The following COPG2 variants were observed in gnomAD, a reference collection of about 807,000 sequenced individuals.
The protein encoded by COPG2 is coat protein complex I subunit gamma 2.
In COPG2, 37 loss-of-function variants were observed where a neutral mutation model predicts 46.3. The observed-to-expected ratio is 0.80, with a 90% confidence interval of 0.61 to 1.05. The LOEUF (loss-of-function observed/expected upper bound fraction) is 1.05, where lower values mean the gene tolerates loss of function less well. Ranked by LOEUF, COPG2 falls within the 50% of genes least tolerant of loss-of-function variation. COPG2 has a pLI of 0.00. For synonymous variants in COPG2, 159 were observed against 129.7 expected (o/e 1.23, Z -1.53); for missense variants, 427 against 387.8 (o/e 1.10, Z -0.85).
rs1301247333 is a variant in COPG2, at chr7:130,575,455, G to C, written c.738-11062C>G. Among the ~76,000 whole-genome samples the C allele has an allele frequency of 3.9e-5, 6 of 152,186 alleles. No individual in the cohort carries two copies. In the East Asian group the frequency reaches 1.2e-3, roughly 29 times the overall value. ...AGAACTTGGTATCCAGCGAAACTAAGCATCATATATAAAGGAAAGATACAG... is the reference window on the plus strand; with the variant it reads ...AGAACTTGGTATCCAGCGAAACTAACCATCATATATAAAGGAAAGATACAG... On this transcript the variant is annotated intron_variant, in intron 9 of 23. Coordinates refer to ENST00000425248, the MANE Select transcript of COPG2 (RefSeq NM_012133.6).
chr7:130,618,287 C>T (rs958570512), intron 5 of COPG2, among the ~76,000 whole-genome samples: 2 of 151,930 alleles, frequency 1.3e-5, no homozygotes, highest in Non-Finnish European at 1.5e-5. Context: ...ACAATACACT[C>T]GTTCAGTAAT....
chr7:130,662,819 C>T, intron 4 of COPG2, 148 bp downstream of exon 4: 1 of 629,848 alleles, frequency 1.6e-6, no homozygotes, highest in Non-Finnish European at 2.8e-6. Context: ...ATTTTCACGT[C>T]TTATAATGAA....
intron 3 of COPG2, among the ~76,000 whole-genome samples, chr7:130,665,084 AG>A (rs11335585): frequency 0.45 from 67,577 of 151,842 alleles, 17,205 homozygotes; most frequent in East Asian, 0.59. Flanking sequence ...AGGAGGCTAA[AG>A]TAGGAGAATT....
Position 130,563,348 on chromosome 7 carries a change from T to A in COPG2, c.872-12A>T, listed in dbSNP as rs961126775. The A allele has an allele frequency of 3.5e-4, 139 of 392,206 alleles. No homozygotes were observed. Among genetic ancestry groups the A allele is most frequent in the Non-Finnish European group, 4.0e-4 (89 of 222,356 alleles). 24.3% of individuals were successfully genotyped at this position (392,206 alleles called of 1,614,324 possible). A position where few individuals can be genotyped will look rare whatever the true frequency, so the allele number is the denominator to read the frequency against. ...GAAAAGTTGAAGAACTAAAAAAAAA[T>A]AATAATAATAATATGTAACATTAAG... On this transcript the variant is annotated splice_polypyrimidine_tract_variant and intron_variant, in intron 10 of 23. Transcript: ENST00000425248.
intron 5 of COPG2, among the ~76,000 whole-genome samples, chr7:130,625,436 A>C (rs1296663249): frequency 6.6e-6 from 1 of 152,128 alleles, no homozygotes; most frequent in African/African-American, 2.4e-5. Flanking sequence ...ACAATGTTGA[A>C]TAGCAGTGAA....
At chr7:130,519,226 C>T (rs1799705788) in intron 20 of COPG2, among the ~76,000 whole-genome samples, 1 of 151,982 alleles carries the variant, frequency 6.6e-6, no homozygotes, top group Non-Finnish European at 1.5e-5. Context: ...TAGATACCAA[C>T]CATGGGAGAA....
chr7:130,528,551 A>T (rs1029691877), intron 20 of COPG2, among the ~76,000 whole-genome samples: 1 of 152,096 alleles, frequency 6.6e-6, no homozygotes, highest in Non-Finnish European at 1.5e-5. Flanking sequence ...CAGTGGGAGA[A>T]TCACAGATCG....
intron 20 of COPG2, among the ~76,000 whole-genome samples, chr7:130,539,837 C>G (rs945275779): frequency 6.6e-6 from 1 of 151,994 alleles, no homozygotes; most frequent in Non-Finnish European, 1.5e-5. Context: ...GCGAGGTGAA[C>G]GGGGAGGTCC....
chr7:130,667,373 G>T, intron 2 of COPG2, 109 bp downstream of exon 2: 1 of 847,616 alleles, frequency 1.2e-6, no homozygotes, highest in Non-Finnish European at 1.9e-6. Flanking sequence ...CCTAAACTCT[G>T]TTACGTTTCT....
rs1377100741 is a variant in COPG2, at chr7:130,552,247, T to A, written c.1544+108A>T. On this transcript the variant is annotated intron_variant, in intron 15 of 23. Transcript: ENST00000425248. ...TTTGCCCCTGACTTGCTCCAATAAC[T>A]CTACTCTTAGGGCTTAGAGTGCATC... 1.8e-5 allele frequency: 7 copies of A among 394,406 alleles called. No individual in the cohort carries two copies. In the East Asian group the frequency reaches 2.5e-4, roughly 14 times the overall value. The allele number at this position is 394,406 out of a possible 1,614,324, so 24.4% of individuals were successfully genotyped here.
At chr7:130,556,809 A>G (rs1793633660) in intron 12 of COPG2, among the ~76,000 whole-genome samples, 1 of 152,214 alleles carries the variant, frequency 6.6e-6, no homozygotes, top group South Asian at 2.1e-4. Context: ...GCTTTGATAA[A>G]ATCCAACATC....
chr7:130,564,162 G>C (rs968294679), intron 10 of COPG2, 98 bp downstream of exon 10: 4 of 397,830 alleles, frequency 1.0e-5, no homozygotes, highest in Non-Finnish European at 1.8e-5. Flanking sequence ...CACAGAGCTA[G>C]TGTTCAGAAA....
At chr7:130,543,339 G>A (rs1227240237) in intron 20 of COPG2, among the ~76,000 whole-genome samples, 1 of 152,158 alleles carries the variant, frequency 6.6e-6, no homozygotes, top group Non-Finnish European at 1.5e-5. Flanking sequence ...GGGTATTGTT[G>A]CCCCTTGATC....
chr7:130,553,338 T>C (rs1406670191), intron 14 of COPG2, among the ~76,000 whole-genome samples: 1 of 152,016 alleles, frequency 6.6e-6, no homozygotes, highest in Non-Finnish European at 1.5e-5. Flanking sequence ...CCCCCCGCCT[T>C]TTCTTTTTTT....
At chr7:130,590,275 C>T (rs1370303366) in intron 9 of COPG2, among the ~76,000 whole-genome samples, 4 of 152,050 alleles carry the variant, frequency 2.6e-5, no homozygotes, top group Non-Finnish European at 5.9e-5. Flanking sequence ...CTCCCTCTCC[C>T]TCTCTTTCCA....
At chr7:130,523,007 T>C (rs1405280603) in intron 20 of COPG2, among the ~76,000 whole-genome samples, 3 of 148,592 alleles carry the variant, frequency 2.0e-5, no homozygotes, top group Non-Finnish European at 4.4e-5. Context: ...TAATCCCAGC[T>C]ACTTGGGAGG....
intron 18 of COPG2, among the ~76,000 whole-genome samples, chr7:130,548,991 A>G (rs1444837717): frequency 1.3e-5 from 2 of 151,114 alleles, no homozygotes; most frequent in African/African-American, 2.4e-5. Context: ...CCCAAGTTTT[A>G]GTGAAGTCAT....
intron 9 of COPG2, among the ~76,000 whole-genome samples, chr7:130,568,801 T>C (rs1406498532): frequency 2.6e-5 from 4 of 152,094 alleles, no homozygotes; most frequent in African/African-American, 9.7e-5. Flanking sequence ...AAATAAACCA[T>C]ATGACAGGCC....
At position 130,587,710 on chromosome 7, in the gene COPG2, T is replaced by C. The variant is rs1584985556; in HGVS notation, c.737+23243A>G. Reference sequence around the variant, plus strand: ...AAACCCTAGAAGAAAACCTAGGCAATACCATTCAGGACATAGGCATGGGCA... The same window carrying C: ...AAACCCTAGAAGAAAACCTAGGCAACACCATTCAGGACATAGGCATGGGCA... On this transcript the variant is annotated intron_variant, in intron 9 of 23. Transcript: ENST00000425248. Among the ~76,000 whole-genome samples the C allele has an allele frequency of 2.0e-5, 3 of 152,168 alleles. No individual in the cohort carries two copies. The South Asian group carries it at 6.2e-4, about 32-fold the overall frequency.
Sources: gnomAD v4.1 joint callset for allele counts (sites outside exome capture counted in the v4.1 genomes callset) on GRCh38, gnomAD v4.1.1 for gene constraint, MANE v1.5 for transcripts, NCBI Gene and HGNC (gene_info 2026-07-23, HGNC 2026-07-21) for gene names.